SAG: variants seen among roughly 807,000 people sequenced by gnomAD.
The protein encoded by SAG is S-arrestin.
In SAG, 45 loss-of-function variants were observed where a neutral mutation model predicts 55.0. That is an observed-to-expected ratio of 0.82 (90% CI 0.64 to 1.05). SAG has a LOEUF of 1.05. SAG is among the 50% of genes least tolerant of loss of function. The probability of loss-of-function intolerance (pLI) is 0.00; values close to 1 mark genes in which losing one functional copy is unlikely to be tolerated. For missense variants in SAG, 455 were observed against 512.1 expected, an observed-to-expected ratio of 0.89 and a Z score of 1.08; for synonymous variants, 189 against 197.4, an observed-to-expected ratio of 0.96 and a Z score of 0.36.
chr2:233,335,641 G>A (rs973768526), intron 11 of SAG, among the ~76,000 whole-genome samples: 1 of 152,198 alleles, frequency 6.6e-6, no homozygotes. Context: ...AGGTCCTAAT[G>A]ACTTTAGATG....
chr2:233,322,375 C>T (rs940762504), intron 5 of SAG, among the ~76,000 whole-genome samples: 5 of 152,108 alleles, frequency 3.3e-5, no homozygotes, highest in Non-Finnish European at 7.4e-5. Context: ...TGATTCAGAA[C>T]TGTATTTTAT....
Position 233,318,812 on chromosome 2 carries a change from T to C in SAG, c.181+17T>C. ...GAAAGAAAGGTGAGATGAAGCCCCT[T>C]GTCTCAGGCTGGTTTCTGGGCGGAG... On this transcript the variant is annotated intron_variant, in intron 4 of 15. Coordinates refer to ENST00000409110, the MANE Select transcript of SAG (RefSeq NM_000541.5). The C allele has an allele frequency of 6.2e-7, 1 of 1,611,416 alleles. No homozygotes were observed. Among genetic ancestry groups the C allele is most frequent in the Non-Finnish European group, 8.5e-7 (1 of 1,177,552 alleles).
At chr2:233,309,908 A>C (rs1303523056) in intron 2 of SAG, among the ~76,000 whole-genome samples, 1 of 152,146 alleles carries the variant, frequency 6.6e-6, no homozygotes, top group Non-Finnish European at 1.5e-5. Flanking sequence ...TTTTGTCAGT[A>C]CCTGTGATGC....
Position 233,315,512 on chromosome 2 carries a change from C to G in SAG, c.76-563C>G, listed in dbSNP as rs564943215. Among the ~76,000 whole-genome samples the G allele has an allele frequency of 2.0e-5, 3 of 151,412 alleles. No individual in the cohort carries two copies. In the South Asian group the frequency reaches 6.3e-4, roughly 32 times the overall value. ...TTCGTCATGTTGGCCAGGCTGGTCT[C>G]AAACTCCCGACCTCAGGTGATCCGC... On this transcript the variant is annotated intron_variant, in intron 2 of 15. Transcript: ENST00000409110.
At chr2:233,313,017 C>A (rs1475997530) in intron 2 of SAG, among the ~76,000 whole-genome samples, 1 of 152,164 alleles carries the variant, frequency 6.6e-6, no homozygotes, top group Non-Finnish European at 1.5e-5. Flanking sequence ...CCTCTGTAAC[C>A]GTGTGTGGGA....
intron 9 of SAG, 61 bp downstream of exon 9, chr2:233,329,638 T>A: frequency 1.7e-6 from 2 of 1,175,966 alleles, no homozygotes; most frequent in Non-Finnish European, 2.5e-6. Flanking sequence ...TCCTGTTTCC[T>A]GAGAGGTCAC....
At chr2:233,315,598 A>C (rs1456209436) in intron 2 of SAG, among the ~76,000 whole-genome samples, 3 of 151,150 alleles carry the variant, frequency 2.0e-5, no homozygotes, top group African/African-American at 4.9e-5. Flanking sequence ...CAGCCTGTCC[A>C]GAAGTTCTTG....
At chr2:233,323,683 C>T (rs1559440263) in intron 6 of SAG, among the ~76,000 whole-genome samples, 1 of 152,146 alleles carries the variant, frequency 6.6e-6, no homozygotes, top group Non-Finnish European at 1.5e-5. Flanking sequence ...TTAAAGATAG[C>T]TTTTTTTCAT....
In SAG at chr2:233,307,884, C is replaced by T. The variant is rs532750345; in HGVS notation, c.-167C>T. 5.9e-5 allele frequency: 9 copies of T among 152,558 alleles called. 1 individual carries two copies. Among genetic ancestry groups the T allele is most frequent in the Admixed American group, 2.0e-4 (3 of 15,306 alleles). The allele number at this position is 152,558 out of a possible 1,614,324, so 9.5% of individuals were successfully genotyped here. On this transcript the variant is annotated 5_prime_UTR_variant, in exon 1 of 16. Transcript: ENST00000409110. Reference sequence around the variant, plus strand: ...CCCCACATACGTAGGCCAGGAGCCTCAGCGGTGCCCCTTCAGGCTCATCTG... The same window carrying T: ...CCCCACATACGTAGGCCAGGAGCCTTAGCGGTGCCCCTTCAGGCTCATCTG...
intron 4 of SAG, 33 bp downstream of exon 4, chr2:233,318,828 C>A: frequency 6.2e-7 from 1 of 1,600,830 alleles, no homozygotes; most frequent in Non-Finnish European, 8.6e-7. Flanking sequence ...AGGCTGGTTT[C>A]TGGGCGGAGT....
chr2:233,331,071 T>C (rs551195926), intron 9 of SAG, among the ~76,000 whole-genome samples: 1 of 152,158 alleles, frequency 6.6e-6, no homozygotes, highest in African/African-American at 2.4e-5. Context: ...TCCTCAAGCT[T>C]AATTTTAAAG....
chr2:233,318,467 G>C lies in SAG; in HGVS notation c.137-284G>C, dbSNP rs7594781. On this transcript the variant is annotated intron_variant, in intron 3 of 15. Coordinates refer to ENST00000409110, the MANE Select transcript of SAG (RefSeq NM_000541.5). Reference sequence around the variant, plus strand: ...AGGCTGCTCTCGAACTCCTAGGCTCGAGCAGTCCTCCTGCCTTGGCCTCCC... The same window carrying C: ...AGGCTGCTCTCGAACTCCTAGGCTCCAGCAGTCCTCCTGCCTTGGCCTCCC... Among the ~76,000 whole-genome samples the C allele has an allele frequency of 0.096, 14,587 of 151,774 alleles. 1,089 individuals carry two copies. The highest frequency in any genetic ancestry group is 0.2 in the African/African-American group (8,404 of 41,346).
intron 6 of SAG, among the ~76,000 whole-genome samples, chr2:233,324,493 C>A (rs1483496062): frequency 2.0e-5 from 3 of 152,136 alleles, no homozygotes; most frequent in African/African-American, 7.2e-5. Flanking sequence ...GTTGTAGAGA[C>A]TTGAGTTTTT....
intron 13 of SAG, 80 bp from the exon 14 acceptor site, chr2:233,342,191 T>G: frequency 9.4e-7 from 1 of 1,060,586 alleles, no homozygotes; most frequent in Admixed American, 2.0e-5. Flanking sequence ...TTTGTGACTC[T>G]CCGCAGCCAT....
At position 233,319,922 on chromosome 2, in the gene SAG, G is replaced by T. The variant is rs142588074; in HGVS notation, c.182-708G>T. ...CAGCTACCACGCACTTGGCGGGGCCGCCTCTCGTGCTTTATATTTGAGAAA... is the reference window on the plus strand; with the variant it reads ...CAGCTACCACGCACTTGGCGGGGCCTCCTCTCGTGCTTTATATTTGAGAAA... On this transcript the variant is annotated intron_variant, in intron 4 of 15. Coordinates refer to ENST00000409110, the MANE Select transcript of SAG (RefSeq NM_000541.5). The surrounding 1 kb of genome is among the most constrained non-coding windows in gnomAD (Gnocchi z 4.4). 281 of 985,568 alleles carry T rather than the reference G, an allele frequency of 2.9e-4. No individual in the cohort carries two copies. The African/African-American group carries it at 3.9e-3, about 14-fold the overall frequency. The allele number at this position is 985,568 out of a possible 1,614,324, so 61.1% of individuals were successfully genotyped here.
In SAG at chr2:233,319,938, A is replaced by G; in HGVS notation, c.182-692A>G. ...GGCGGGGCCGCCTCTCGTGCTTTAT[A>G]TTTGAGAAATATGTGCTTCGTGTCT... On this transcript the variant is annotated intron_variant, in intron 4 of 15. Transcript: ENST00000409110. This position sits in a 1 kb window ranked among gnomAD's most constrained non-coding sequence, Gnocchi z 4.4. 1 of 985,548 alleles carries G rather than the reference A, an allele frequency of 1.0e-6. No homozygotes were observed. The highest frequency in any genetic ancestry group is 1.2e-6 in the Non-Finnish European group (1 of 829,954). 61.1% of individuals were successfully genotyped at this position (985,548 alleles called of 1,614,324 possible).
intron 2 of SAG, among the ~76,000 whole-genome samples, chr2:233,311,367 A>G (rs1216751633): frequency 6.6e-6 from 1 of 152,144 alleles, no homozygotes; most frequent in Non-Finnish European, 1.5e-5. Flanking sequence ...GGTCTCTTGT[A>G]AGGGTCAGGA....
In SAG at chr2:233,327,129, G is replaced by T. The variant is rs146469891; in HGVS notation, c.444G>T (p.Gly148=). The stretch of plus-strand genomic sequence containing the variant: ...CTCTCTCTCCCCAACAGTCCTGTGG[G>T]GTTGACTTTGAGGTCAAAGCATTCG... ...PAPQDSGKSC[G]VDFEVKAFAT... The change falls in exon 7 of 16, where the codon GGG becomes GGT. Residue 148 remains glycine (G), a synonymous_variant. Coordinates refer to ENST00000409110, the MANE Select transcript of SAG (RefSeq NM_000541.5). The T allele has an allele frequency of 5.0e-6, 8 of 1,613,846 alleles. No individual in the cohort carries two copies. The highest frequency in any genetic ancestry group is 6.8e-6 in the Non-Finnish European group (8 of 1,179,732).
chr2:233,308,395 A>G (rs1233225014), intron 1 of SAG, among the ~76,000 whole-genome samples: 2 of 151,994 alleles, frequency 1.3e-5, no homozygotes, highest in African/African-American at 4.8e-5. Context: ...CGAGCCCAGG[A>G]GTTCGAGGCT....
Sources: allele counts gnomAD v4.1 joint callset (sites outside exome capture counted in the v4.1 genomes callset), GRCh38; gene constraint gnomAD v4.1.1; non-coding constraint Gnocchi (gnomAD v3.1); transcripts MANE v1.5; gene names NCBI Gene and HGNC (gene_info 2026-07-23, HGNC 2026-07-21).